ATP6V1H: variants seen among roughly 807,000 people sequenced by gnomAD.
The protein encoded by ATP6V1H is V-type proton ATPase subunit H.
A neutral mutation model predicts 71.7 loss-of-function variants in ATP6V1H; 39 were observed. The ratio of observed to expected loss-of-function variants is 0.54; its 90% CI spans 0.42 to 0.71. ATP6V1H has a LOEUF of 0.71. ATP6V1H is among the 30% of genes least tolerant of loss of function. ATP6V1H has a pLI of 0.00. For missense variants in ATP6V1H, 509 were observed against 594.9 expected (o/e 0.86, Z 1.50); for synonymous variants, 192 against 199.3 (o/e 0.96, Z 0.31).
chr8:53,764,527 T>C (rs1291317447), intron 11 of ATP6V1H, among the ~76,000 whole-genome samples: 2 of 151,642 alleles, frequency 1.3e-5, no homozygotes, highest in African/African-American at 4.9e-5. Flanking sequence ...TTCTCAACTT[T>C]ATCAGATAAA....
intron 9 of ATP6V1H, among the ~76,000 whole-genome samples, chr8:53,791,180 C>G (rs1809553141): frequency 6.6e-6 from 1 of 152,152 alleles, no homozygotes. Context: ...TATTTTGCCA[C>G]AGTGAACAAA....
chr8:53,821,564 C>T (rs551000703), intron 4 of ATP6V1H, among the ~76,000 whole-genome samples: 4 of 151,378 alleles, frequency 2.6e-5, no homozygotes, highest in Admixed American at 6.6e-5. Flanking sequence ...GCCTGTAATA[C>T]CAGCTACTAC....
At chr8:53,792,072 T>C (rs1809585745) in intron 9 of ATP6V1H, among the ~76,000 whole-genome samples, 1 of 152,220 alleles carries the variant, frequency 6.6e-6, no homozygotes, top group African/African-American at 2.4e-5. Context: ...AAGTAAAGCC[T>C]CATTAATACA....
At chr8:53,811,813 TC>T (rs1420881991) in intron 6 of ATP6V1H, among the ~76,000 whole-genome samples, 1 of 152,138 alleles carries the variant, frequency 6.6e-6, no homozygotes, top group African/African-American at 2.4e-5. Context: ...ATAACTACTA[TC>T]TATGAAGTAC....
At chr8:53,814,434 GA>G (rs1346798641) in intron 6 of ATP6V1H, among the ~76,000 whole-genome samples, 1 of 151,978 alleles carries the variant, frequency 6.6e-6, no homozygotes, top group Non-Finnish European at 1.5e-5. Flanking sequence ...GCATGACTAA[GA>G]AACCCCAAGT....
Position 53,772,115 on chromosome 8 carries a change from G to C in ATP6V1H, c.923C>G (p.Ala308Gly), listed in dbSNP as rs749510146. The C allele has an allele frequency of 6.2e-7, 1 of 1,613,888 alleles. No homozygotes were observed. Among genetic ancestry groups the C allele is most frequent in the South Asian group, 1.1e-5 (1 of 91,050 alleles). ...ERETRQEYALAMIQCKVLKQL... is the reference protein window; with the variant it reads ...ERETRQEYALGMIQCKVLKQL... ...TTTCAGAACTTTGCACTGAATCATAGCCAGGGCATATTCTTGGCGAGTTTC... is the reference window on the plus strand; with the variant it reads ...TTTCAGAACTTTGCACTGAATCATACCCAGGGCATATTCTTGGCGAGTTTC... Residue 308 changes from alanine to glycine, a missense_variant, in exon 10 of 14, where the codon GCT (alanine) becomes GGT (glycine). Transcript: ENST00000359530.
At chr8:53,802,973 C>T (rs956834501) in intron 7 of ATP6V1H, among the ~76,000 whole-genome samples, 1 of 152,106 alleles carries the variant, frequency 6.6e-6, no homozygotes. Context: ...TTCATTTTAC[C>T]AAAGCTAGTG....
intron 13 of ATP6V1H, among the ~76,000 whole-genome samples, chr8:53,724,724 A>T (rs73682550): frequency 0.049 from 7,440 of 151,880 alleles, 542 homozygotes; most frequent in African/African-American, 0.16. Context: ...TGGATGTAAG[A>T]TAAAAACAAA....
chr8:53,823,845 C>A (rs1436238363), intron 4 of ATP6V1H, among the ~76,000 whole-genome samples: 1 of 150,678 alleles, frequency 6.6e-6, no homozygotes, highest in East Asian at 1.9e-4. Flanking sequence ...AGTAAAAGAA[C>A]AAAGTAAACA....
At chr8:53,772,211 T>A (rs1477166486) in intron 9 of ATP6V1H, 44 bp from the exon 10 acceptor site, 5 of 1,476,948 alleles carry the variant, frequency 3.4e-6, no homozygotes, top group Admixed American at 1.9e-5. Flanking sequence ...CAATTTGTCA[T>A]GTGATGGATT....
At chr8:53,783,333 G>T (rs1397720572) in intron 9 of ATP6V1H, among the ~76,000 whole-genome samples, 3 of 152,190 alleles carry the variant, frequency 2.0e-5, no homozygotes, top group Non-Finnish European at 2.9e-5. Flanking sequence ...TTTGCATAGA[G>T]GTGTTTATAG....
At chr8:53,758,257 TAAG>T (rs1457817456) in intron 11 of ATP6V1H, among the ~76,000 whole-genome samples, 1 of 152,196 alleles carries the variant, frequency 6.6e-6, no homozygotes, top group African/African-American at 2.4e-5. Context: ...ATTTAAATAT[TAAG>T]AAATTTTATG....
chr8:53,835,440 T>C (rs1483543), intron 2 of ATP6V1H, among the ~76,000 whole-genome samples: 152,323 of 152,326 alleles, frequency 1, 76,160 homozygotes, highest in Middle Eastern at 1. Flanking sequence ...AACTTGCATA[T>C]GTCCTACTAC....
Position 53,801,889 on chromosome 8 carries a change from T to A in ATP6V1H, c.587A>T (p.Gln196Leu), listed in dbSNP as rs1211491502. 5 of 1,613,224 alleles carry A rather than the reference T, an allele frequency of 3.1e-6. No homozygotes were observed. The African/African-American group carries it at 6.7e-5, about 22-fold the overall frequency. ...TGTVSSSDSS[Q>L]YVQCVAGCLQ... ...ACACCCGGCCACGCACTGCACATAC[T>A]GCGAACTCTGCACAAGAAGAAGTGT... The change falls in exon 8 of 14, where the codon CAG (glutamine) becomes CTG (leucine). Residue 196 changes from glutamine to leucine, a missense_variant. Coordinates refer to ENST00000359530, the MANE Select transcript of ATP6V1H (RefSeq NM_015941.4).
chr8:53,831,756 T>C lies in ATP6V1H; in HGVS notation c.216+1228A>G, dbSNP rs571097333. Reference sequence around the variant, plus strand: ...AATCAATAATTACACTCTTTTTTTTTTTTTTTTTTTTTTTGTATTTTTAGT... The same window carrying C: ...AATCAATAATTACACTCTTTTTTTTCTTTTTTTTTTTTTTGTATTTTTAGT... On this transcript the variant is annotated intron_variant, in intron 3 of 13. Coordinates refer to ENST00000359530, the MANE Select transcript of ATP6V1H (RefSeq NM_015941.4). 13 of 148,858 alleles carry C rather than the reference T, an allele frequency of 8.7e-5. No homozygotes were observed. In the South Asian group the frequency reaches 2.6e-3, roughly 30 times the overall value. The allele number at this position is 148,858 out of a possible 1,614,324, so 9.2% of individuals were successfully genotyped here. A position where few individuals can be genotyped will look rare whatever the true frequency, so the allele number is the denominator to read the frequency against.
At chr8:53,840,380 C>CCCAGCTACT (rs1811304826) in intron 2 of ATP6V1H, among the ~76,000 whole-genome samples, 1 of 152,046 alleles carries the variant, frequency 6.6e-6, no homozygotes, top group Non-Finnish European at 1.5e-5. Flanking sequence ...TGCCTGTAAT[C>CCCAGCTACT]CCAGCTACTC....
chr8:53,790,111 C>T (rs568628579), intron 9 of ATP6V1H, among the ~76,000 whole-genome samples: 4 of 152,110 alleles, frequency 2.6e-5, no homozygotes, highest in African/African-American at 9.6e-5. Context: ...AAACAGGGAC[C>T]CTCTCTCTCT....
chr8:53,771,960 G>T (rs1197853206), intron 10 of ATP6V1H, 29 bp downstream of exon 10: 3 of 1,591,434 alleles, frequency 1.9e-6, no homozygotes. Context: ...AACAGATCCA[G>T]CACATGAGAA....
At chr8:53,769,392 T>C (rs1808573443) in intron 11 of ATP6V1H, among the ~76,000 whole-genome samples, 1 of 152,058 alleles carries the variant, frequency 6.6e-6, no homozygotes, top group African/African-American at 2.4e-5. Context: ...TCAGAATACA[T>C]ATAGAACTCC....
Sources: gnomAD v4.1 joint callset for allele counts (sites outside exome capture counted in the v4.1 genomes callset) on GRCh38, gnomAD v4.1.1 for gene constraint, MANE v1.5 for transcripts, NCBI Gene and HGNC (gene_info 2026-07-23, HGNC 2026-07-21) for gene names.